The following FHIP2A variants were observed in gnomAD, a reference collection of about 807,000 sequenced individuals.
FHIP2A encodes the protein FHF complex subunit HOOK interacting protein 2A.
FHIP2A carries 46 observed loss-of-function variants against 93.5 expected under a neutral mutation model. The observed-to-expected ratio is 0.49, with a 90% CI of 0.39 to 0.63. FHIP2A has a LOEUF of 0.63. Among genes scored for constraint, FHIP2A ranks in the 20% least tolerant of loss-of-function variants. FHIP2A has a pLI of 0.00. For synonymous variants in FHIP2A, 332 were observed against 326.5 expected (o/e 1.02, Z -0.18); for missense variants, 769 against 909.7 (o/e 0.85, Z 1.99).
chr10:114,840,198 G>A (rs1011458727), intron 5 of FHIP2A, among the ~76,000 whole-genome samples: 1 of 152,144 alleles, frequency 6.6e-6, no homozygotes, highest in African/African-American at 2.4e-5. Context: ...AGATCAGCCT[G>A]AGCAACATAG....
At chr10:114,879,591 C>T (rs1461431034) in intron 16 of FHIP2A, among the ~76,000 whole-genome samples, 3 of 152,174 alleles carry the variant, frequency 2.0e-5, no homozygotes, top group Admixed American at 6.5e-5. Context: ...GTGGCATTCC[C>T]CTTTCTTGCA....
chr10:114,882,359 A>T (rs1592033302), intron 16 of FHIP2A, among the ~76,000 whole-genome samples: 1 of 152,126 alleles, frequency 6.6e-6, no homozygotes, highest in African/African-American at 2.4e-5. Flanking sequence ...TCCTACCCTC[A>T]TCACAGTCTA....
chr10:114,886,198 G>A (rs2083941904), intron 16 of FHIP2A, among the ~76,000 whole-genome samples: 3 of 152,128 alleles, frequency 2.0e-5, no homozygotes, highest in African/African-American at 7.2e-5. Flanking sequence ...AACTCTATGA[G>A]ATGGTTACTA....
chr10:114,888,765 G>T (rs1016549125), intron 16 of FHIP2A, among the ~76,000 whole-genome samples: 1 of 152,002 alleles, frequency 6.6e-6, no homozygotes, highest in Non-Finnish European at 1.5e-5. Context: ...ACCATGCCCG[G>T]CTAATTTTTG....
intron 16 of FHIP2A, among the ~76,000 whole-genome samples, chr10:114,896,004 T>A (rs2083999576): frequency 6.6e-6 from 1 of 152,146 alleles, no homozygotes; most frequent in Non-Finnish European, 1.5e-5. Context: ...TCCTGAGAGA[T>A]GCAACTGCCA....
Position 114,885,112 on chromosome 10 carries a change from C to T in FHIP2A, c.2193-14378C>T, listed in dbSNP as rs150444967. Among the ~76,000 whole-genome samples, 1,056 of 151,306 alleles carry T rather than the reference C, an allele frequency of 7.0e-3. 8 individuals carry two copies. The highest frequency in any genetic ancestry group is 0.025 in the African/African-American group (1,013 of 41,292). ...AGAAAAATATTTTTAAAAGGTGACC[C>T]GGCCTGGCGAGGTGGCTCATGCCTA... On this transcript the variant is annotated intron_variant, in intron 16 of 16. Transcript: ENST00000369250.
intron 12 of FHIP2A, among the ~76,000 whole-genome samples, chr10:114,848,415 TAATC>T (rs2083714672): frequency 6.6e-6 from 1 of 152,236 alleles, no homozygotes; most frequent in African/African-American, 2.4e-5. Context: ...TGAGAATATT[TAATC>T]AATGAATTGT....
intron 12 of FHIP2A, among the ~76,000 whole-genome samples, chr10:114,848,305 AGTCT>A: frequency 6.6e-6 from 1 of 152,332 alleles, no homozygotes; most frequent in South Asian, 2.1e-4. Context: ...ATATCATGGC[AGTCT>A]GTCATTATAC....
At chr10:114,850,944 C>T (rs957642099) in intron 13 of FHIP2A, among the ~76,000 whole-genome samples, 1 of 152,100 alleles carries the variant, frequency 6.6e-6, no homozygotes, top group Non-Finnish European at 1.5e-5. Flanking sequence ...GACAGAGTCG[C>T]GCTCTGTCAT....
chr10:114,843,600 G>T, intron 6 of FHIP2A, 141 bp from the exon 7 acceptor site: 1 of 667,952 alleles, frequency 1.5e-6, no homozygotes, highest in Non-Finnish European at 2.3e-6. Flanking sequence ...CTCCACAGTT[G>T]GCCAATAATA....
intron 1 of FHIP2A, among the ~76,000 whole-genome samples, chr10:114,827,755 C>T (rs1341892576): frequency 6.7e-6 from 1 of 148,656 alleles, no homozygotes; most frequent in Non-Finnish European, 1.5e-5. Context: ...CGAGATCACG[C>T]CACTGCACTC....
chr10:114,862,684 C>T lies in FHIP2A; in HGVS notation c.*1144C>T. ...CTGCGCTGGGCACAGCATGCTTGTA[C>T]TTGATTGACAAAATCGTGTTTGCCA... On this transcript the variant is annotated 3_prime_UTR_variant, in exon 17 of 17. Transcript: ENST00000369248. 1.0e-6 allele frequency: 1 copy of T among 985,666 alleles called. No individual in the cohort carries two copies. Among genetic ancestry groups the T allele is most frequent in the Non-Finnish European group, 1.2e-6 (1 of 830,106 alleles). 61.1% of individuals were successfully genotyped at this position (985,666 alleles called of 1,614,324 possible).
intron 16 of FHIP2A, among the ~76,000 whole-genome samples, chr10:114,890,460 T>C (rs2083965242): frequency 6.7e-6 from 1 of 148,642 alleles, no homozygotes; most frequent in Non-Finnish European, 1.5e-5. Context: ...CACACATATA[T>C]TTGCATATAT....
At chr10:114,827,513 A>T (rs1025295285) in intron 1 of FHIP2A, among the ~76,000 whole-genome samples, 1 of 152,130 alleles carries the variant, frequency 6.6e-6, no homozygotes, top group African/African-American at 2.4e-5. Context: ...GTATCAAGGC[A>T]TAGGCCGGGC....
intron 16 of FHIP2A, among the ~76,000 whole-genome samples, chr10:114,870,253 G>A (rs543849518): frequency 6.6e-5 from 10 of 152,114 alleles, no homozygotes; most frequent in African/African-American, 1.2e-4. Flanking sequence ...TTGGATAGGC[G>A]CAAATGCTGA....
At chr10:114,856,250 A>G (rs1267101364) in intron 14 of FHIP2A, among the ~76,000 whole-genome samples, 1 of 152,204 alleles carries the variant, frequency 6.6e-6, no homozygotes, top group Non-Finnish European at 1.5e-5. Flanking sequence ...GAGTTTAGTC[A>G]GCGTTGTTTC....
At chr10:114,841,716 T>C (rs2083670016) in intron 5 of FHIP2A, among the ~76,000 whole-genome samples, 1 of 152,234 alleles carries the variant, frequency 6.6e-6, no homozygotes, top group Non-Finnish European at 1.5e-5. Context: ...ACCTATACTT[T>C]TAACAGCAAT....
chr10:114,889,552 G>A (rs1347674105), intron 16 of FHIP2A, among the ~76,000 whole-genome samples: 1 of 152,218 alleles, frequency 6.6e-6, no homozygotes, highest in Non-Finnish European at 1.5e-5. Flanking sequence ...CACACTGCTA[G>A]TCATTACACT....
intron 1 of FHIP2A, among the ~76,000 whole-genome samples, chr10:114,824,174 G>T (rs901859444): frequency 6.6e-6 from 1 of 152,132 alleles, no homozygotes; most frequent in African/African-American, 2.4e-5. Context: ...GAGATGTCCT[G>T]GAACTAGTCC....
Sources: allele counts gnomAD v4.1 joint callset (sites outside exome capture counted in the v4.1 genomes callset), GRCh38; gene constraint gnomAD v4.1.1; transcripts MANE v1.5; gene names NCBI Gene and HGNC (gene_info 2026-07-23, HGNC 2026-07-21).